SLCO2A1: variants seen among roughly 807,000 people sequenced by gnomAD.
The protein encoded by SLCO2A1 is matrin F/G 1.
SLCO2A1 carries 60 observed loss-of-function variants against 71.7 expected under a neutral mutation model. The observed-to-expected ratio is 0.84, with a 90% CI of 0.68 to 1.04. The LOEUF (loss-of-function observed/expected upper bound fraction) is 1.04, where lower values mean the gene tolerates loss of function less well. Ranked by LOEUF, SLCO2A1 falls within the 50% of genes least tolerant of loss-of-function variation. The pLI, the probability that SLCO2A1 is intolerant of heterozygous loss-of-function variation, is 0.00. For synonymous variants in SLCO2A1, 308 were observed against 326.7 expected, an observed-to-expected ratio of 0.94 and a Z score of 0.62; for missense variants, 745 against 813.4, an observed-to-expected ratio of 0.92 and a Z score of 1.02.
At chr3:133,948,070 G>GT (rs1176515502) in intron 8 of SLCO2A1, among the ~76,000 whole-genome samples, 3 of 152,180 alleles carry the variant, frequency 2.0e-5, no homozygotes, top group Non-Finnish European at 4.4e-5. Context: ...GGGCATCTGT[G>GT]TTTTGTAAAG....
At chr3:134,025,351 G>A (rs1004437700) in intron 1 of SLCO2A1, among the ~76,000 whole-genome samples, 1 of 152,088 alleles carries the variant, frequency 6.6e-6, no homozygotes, top group Non-Finnish European at 1.5e-5. Context: ...AACCTGATGT[G>A]TGTTATGACC....
At chr3:133,947,180 G>A in intron 9 of SLCO2A1, 76 bp downstream of exon 9, 1 of 1,262,244 alleles carries the variant, frequency 7.9e-7, no homozygotes, top group Non-Finnish European at 1.1e-6. Context: ...AAGGAAGCAG[G>A]AAGGAAGATG....
At chr3:133,961,859 T>TA (rs1261041361) in intron 3 of SLCO2A1, among the ~76,000 whole-genome samples, 1 of 151,966 alleles carries the variant, frequency 6.6e-6, no homozygotes, top group Admixed American at 6.6e-5. Context: ...CTGACACATA[T>TA]AAAAAAGGGA....
Position 134,028,954 on chromosome 3 carries a change from A to C in SLCO2A1, c.96+753T>G, listed in dbSNP as rs113794937. On this transcript the variant is annotated intron_variant, in intron 1 of 13. Coordinates refer to ENST00000310926, the MANE Select transcript of SLCO2A1 (RefSeq NM_005630.3). ...TGCTCTCATCCTAACAGCTGCCAAC[A>C]CCCTATCTTCTCACCCGCTCCCCAT... Among the ~76,000 whole-genome samples the C allele has an allele frequency of 4.6e-3, 700 of 150,964 alleles. 7 individuals carry two copies. The highest frequency in any genetic ancestry group is 0.016 in the African/African-American group (647 of 41,074).
At chr3:134,021,144 C>T (rs1346295719) in intron 1 of SLCO2A1, among the ~76,000 whole-genome samples, 1 of 152,224 alleles carries the variant, frequency 6.6e-6, no homozygotes, top group Admixed American at 6.5e-5. Flanking sequence ...TTGGTGCAAA[C>T]TGCAAAAGTG....
intron 9 of SLCO2A1, 83 bp downstream of exon 9, chr3:133,947,173 G>A: frequency 8.4e-7 from 1 of 1,196,626 alleles, no homozygotes; most frequent in Non-Finnish European, 1.2e-6. Flanking sequence ...TAGAGTTAAG[G>A]AAGCAGGAAG....
chr3:134,005,352 A>G (rs764066575), intron 1 of SLCO2A1, among the ~76,000 whole-genome samples: 2 of 151,978 alleles, frequency 1.3e-5, no homozygotes, highest in African/African-American at 4.8e-5. Flanking sequence ...TTGATTTTCA[A>G]TCTTTCTGTG....
rs377719582 is a variant in SLCO2A1 at position 133,947,272 on chromosome 3, C to T, written c.1279G>A (p.Glu427Lys). 19 of 1,613,824 alleles carry T rather than the reference C, an allele frequency of 1.2e-5. No homozygotes were observed. The highest frequency in any genetic ancestry group is 4.5e-5 in the East Asian group (2 of 44,782). Reference sequence around the variant, plus strand: ...TCCCATTACCTAGGGGGGTAGACTTCGGCCACAGTTGGGGTGGAGCATCCC... The same window carrying T: ...TCCCATTACCTAGGGGGGTAGACTTTGGCCACAGTTGGGGTGGAGCATCCC... ...FMGCSTPTVA[E>K]VYPPSTSSSI... Residue 427 changes from glutamate (E) to lysine (K), a missense_variant, in exon 9 of 14, where the codon GAA becomes AAA. Transcript: ENST00000310926.
chr3:133,989,123 A>G (rs1406714952), intron 1 of SLCO2A1, among the ~76,000 whole-genome samples: 3 of 151,866 alleles, frequency 2.0e-5, no homozygotes, highest in South Asian at 4.2e-4. Context: ...TATGGCGCCA[A>G]TTCACCTCAG....
intron 1 of SLCO2A1, among the ~76,000 whole-genome samples, chr3:133,984,998 T>C (rs1378801388): frequency 6.6e-6 from 1 of 152,152 alleles, no homozygotes; most frequent in Non-Finnish European, 1.5e-5. Flanking sequence ...GTCCCACACC[T>C]TGCCTGGTGA....
rs539088551 is a variant in SLCO2A1 at position 133,949,747 on chromosome 3, C to T, written c.862-776G>A. Among the ~76,000 whole-genome samples the T allele has an allele frequency of 2.4e-3, 370 of 152,338 alleles. 2 individuals are homozygous for T. The highest frequency in any genetic ancestry group is 8.8e-3 in the African/African-American group (366 of 41,580). The stretch of plus-strand genomic sequence containing the variant: ...TTTCCCATACTGCTACTCTAATTAG[C>T]TGGAGCACTGTAAAGAAGAGGAAGC... On this transcript the variant is annotated intron_variant, in intron 6 of 13. Transcript: ENST00000310926.
chr3:134,004,780 C>T (rs1489423248), intron 1 of SLCO2A1, among the ~76,000 whole-genome samples: 1 of 152,164 alleles, frequency 6.6e-6, no homozygotes, highest in East Asian at 1.9e-4. Context: ...GTGAAAAAGG[C>T]CAGGAAACAG....
chr3:133,951,257 G>T lies in SLCO2A1; in HGVS notation c.812C>A (p.Thr271Asn). 1.9e-6 allele frequency: 3 copies of T among 1,614,060 alleles called. No individual in the cohort carries two copies. Among genetic ancestry groups the T allele is most frequent in the Non-Finnish European group, 2.5e-6 (3 of 1,179,964 alleles). Residue 271 changes from threonine to asparagine, a missense_variant, in exon 6 of 14, where the codon ACC (threonine) becomes AAC (asparagine). Thr to Asn is a moderately conservative substitution (Grantham distance 65). Transcript: ENST00000310926. The stretch of plus-strand genomic sequence containing the variant: ...AGGGAAGAAAAAAAAGGGGAAAGAG[G>T]TGAGAACCAATAAAGCTGAAGAAAT... ...LLISSALLVLTSFPFFFFPRA... is the reference protein window; with the variant it reads ...LLISSALLVLNSFPFFFFPRA...
At chr3:134,019,991 C>A (rs1206632994) in intron 1 of SLCO2A1, among the ~76,000 whole-genome samples, 2 of 152,020 alleles carry the variant, frequency 1.3e-5, no homozygotes, top group African/African-American at 4.8e-5. Flanking sequence ...GGCACCATAC[C>A]CTAGGCCTGG....
chr3:134,009,160 G>C (rs1640908911), intron 1 of SLCO2A1, among the ~76,000 whole-genome samples: 1 of 152,154 alleles, frequency 6.6e-6, no homozygotes, highest in Admixed American at 6.5e-5. Context: ...CATAAATACA[G>C]GACATGTTTA....
At chr3:134,013,675 T>G (rs1356155254) in intron 1 of SLCO2A1, among the ~76,000 whole-genome samples, 2 of 152,170 alleles carry the variant, frequency 1.3e-5, no homozygotes, top group African/African-American at 4.8e-5. Context: ...CTCAATTCAC[T>G]CCACCTGGGA....
chr3:133,970,254 C>T (rs1338132528), intron 3 of SLCO2A1, among the ~76,000 whole-genome samples: 1 of 152,186 alleles, frequency 6.6e-6, no homozygotes, highest in Admixed American at 6.5e-5. Flanking sequence ...GCCCCTGCAG[C>T]CCTACGAGGG....
rs189463865 is a variant in SLCO2A1, at chr3:134,028,971, G to A, written c.96+736C>T. On this transcript the variant is annotated intron_variant, in intron 1 of 13. Coordinates refer to ENST00000310926, the MANE Select transcript of SLCO2A1 (RefSeq NM_005630.3). ...CTGCCAACACCCTATCTTCTCACCC[G>A]CTCCCCATAACTTGCCTGGTGAGTG... 1.6e-3 allele frequency among the ~76,000 whole-genome samples: 208 copies of A among 133,552 alleles called. 1 individual carries two copies. The highest frequency in any genetic ancestry group is 5.8e-3 in the African/African-American group (203 of 35,162). The allele number at this position is 133,552 out of a possible 152,430, so 87.6% of individuals were successfully genotyped here. A position where few individuals can be genotyped will look rare whatever the true frequency, so the allele number is the denominator to read the frequency against.
At chr3:133,973,350 GATTTA>G (rs1934373642) in intron 3 of SLCO2A1, among the ~76,000 whole-genome samples, 1 of 152,222 alleles carries the variant, frequency 6.6e-6, no homozygotes, top group Admixed American at 6.5e-5. Flanking sequence ...ACTTCATCAT[GATTTA>G]ATGCTTTGAT....
Sources: allele counts gnomAD v4.1 joint callset (sites outside exome capture counted in the v4.1 genomes callset), GRCh38; gene constraint gnomAD v4.1.1; transcripts MANE v1.5; gene names NCBI Gene and HGNC (gene_info 2026-07-23, HGNC 2026-07-21).